Variants in CDCP1 observed in about 807,000 individuals in gnomAD.
CDCP1 encodes CUB domain containing protein 1.
Under a neutral mutation model 60.2 loss-of-function variants are expected in CDCP1, and 29 were observed. That is an observed-to-expected ratio of 0.48 (90% CI 0.36 to 0.66). CDCP1 has a LOEUF of 0.66. Ranked by LOEUF, CDCP1 falls within the 30% of genes least tolerant of loss-of-function variation. CDCP1 has a pLI of 0.00. For synonymous variants in CDCP1, 387 were observed against 431.1 expected, an observed-to-expected ratio of 0.90 and a Z score of 1.27; for missense variants, 876 against 1,074.3, an observed-to-expected ratio of 0.82 and a Z score of 2.58.
chr3:45,110,834 G>A lies in CDCP1; in HGVS notation c.663C>T (p.Cys221=). The A allele has an allele frequency of 6.2e-7, 1 of 1,612,026 alleles. No individual in the cohort carries two copies. ...IANRSSIKRL[C]IIESVFEGEG... ...CACCCTCAAACACAGACTCGATGAT[G>A]CACAGACCTAGTGGGAGTGGAACCC... Residue 221 remains cysteine, a synonymous_variant, in exon 4 of 9, where the codon TGC becomes TGT. Coordinates refer to ENST00000296129, the MANE Select transcript of CDCP1 (RefSeq NM_022842.5).
intron 1 of CDCP1, among the ~76,000 whole-genome samples, chr3:45,124,320 G>A (rs1260218225): frequency 2.0e-5 from 3 of 152,154 alleles, no homozygotes; most frequent in African/African-American, 4.8e-5. Context: ...CTGGCAACCC[G>A]TCTAAAATTT....
In CDCP1 at chr3:45,091,119, C is replaced by T; in HGVS notation, c.1993+54G>A. ...TGTCTCCAGGCTTGCTCTCTATCCT[C>T]CAGCTGACAATTTTTTGTTCATCAC... On this transcript the variant is annotated intron_variant, in intron 7 of 8. Transcript: ENST00000296129. This position sits in a 1 kb window ranked among gnomAD's most constrained non-coding sequence, Gnocchi z 4.8. The T allele has an allele frequency of 6.4e-7, 1 of 1,560,700 alleles. No homozygotes were observed.
At chr3:45,115,637 T>A (rs1020278477) in intron 2 of CDCP1, among the ~76,000 whole-genome samples, 1 of 152,236 alleles carries the variant, frequency 6.6e-6, no homozygotes, top group Non-Finnish European at 1.5e-5. Flanking sequence ...ATTTTAATTA[T>A]AATTGACTTA....
intron 5 of CDCP1, among the ~76,000 whole-genome samples, chr3:45,094,948 T>G (rs1482680315): frequency 6.6e-6 from 1 of 151,380 alleles, no homozygotes; most frequent in Non-Finnish European, 1.5e-5. Context: ...TGGGGTTTTT[T>G]TTTTTTTTTT....
intron 5 of CDCP1, among the ~76,000 whole-genome samples, chr3:45,094,494 C>A (rs1698361737): frequency 6.6e-6 from 1 of 152,178 alleles, no homozygotes; most frequent in African/African-American, 2.4e-5. Context: ...AACCTGACCT[C>A]AAGTTATCTG....
At chr3:45,089,390 C>T (rs565348766) in intron 7 of CDCP1, among the ~76,000 whole-genome samples, 1 of 152,340 alleles carries the variant, frequency 6.6e-6, no homozygotes, top group East Asian at 1.9e-4. Context: ...TCAGCTTGCA[C>T]TTTCTCTCTG....
At chr3:45,125,984 C>A (rs1015283571) in intron 1 of CDCP1, among the ~76,000 whole-genome samples, 1 of 152,194 alleles carries the variant, frequency 6.6e-6, no homozygotes, top group African/African-American at 2.4e-5. Context: ...TCTGGTTCAA[C>A]CCTGGCACCT....
intron 7 of CDCP1, among the ~76,000 whole-genome samples, chr3:45,089,482 G>A (rs897110882): frequency 2.0e-5 from 3 of 152,176 alleles, no homozygotes; most frequent in Non-Finnish European, 2.9e-5. Context: ...GCCATGTAGA[G>A]ATTCCACCGG....
At chr3:45,120,854 A>C (rs146337802) in intron 1 of CDCP1, among the ~76,000 whole-genome samples, 4 of 152,248 alleles carry the variant, frequency 2.6e-5, no homozygotes, top group Non-Finnish European at 5.9e-5. Flanking sequence ...CGGTCTCAGC[A>C]CAAAGGTCAC....
chr3:45,107,534 C>T (rs1053184913), intron 4 of CDCP1, among the ~76,000 whole-genome samples: 1 of 152,120 alleles, frequency 6.6e-6, no homozygotes, highest in Non-Finnish European at 1.5e-5. Context: ...ACCCTGCATG[C>T]CTGCCTTGAC....
At position 45,093,449 on chromosome 3, in the gene CDCP1, G is replaced by A. The variant is rs202177303; in HGVS notation, c.1455C>T (p.Ala485=). 174 of 1,614,138 alleles carry A rather than the reference G, an allele frequency of 1.1e-4. No homozygotes were observed. Among genetic ancestry groups the A allele is most frequent in the Non-Finnish European group, 1.4e-4 (168 of 1,179,968 alleles). Residue 485 remains alanine, a synonymous_variant, in exon 6 of 9, where the codon GCC becomes GCT. Transcript: ENST00000296129. The part of the protein sequence containing the change: ...PCNTSFSYLV[A]SAIPSQDLYF... The stretch of plus-strand genomic sequence containing the variant: ...ACAGGTCCTGGCTGGGTATGGCACT[G>A]GCCACGAGGTAGCTGAAGCTGGTGT...
chr3:45,092,765 G>A (rs1698317800), intron 6 of CDCP1, among the ~76,000 whole-genome samples: 1 of 152,140 alleles, frequency 6.6e-6, no homozygotes, highest in Non-Finnish European at 1.5e-5. Context: ...TCAGAACATG[G>A]AGACCACATG....
Position 45,110,525 on chromosome 3 carries a change from C to T in CDCP1, c.972G>A (p.Gly324=). Reference sequence around the variant, plus strand: ...AAACTTGGAACTGCAGCCGGAGGATCCCTGGACTTTGGGCATCTTGGTCAC... The same window carrying T: ...AAACTTGGAACTGCAGCCGGAGGATTCCTGGACTTTGGGCATCTTGGTCAC... The part of the protein sequence containing the change: ...QGCDQDAQSP[G]ILRLQFQVLV... Residue 324 remains glycine (G), a synonymous_variant, in exon 4 of 9, where the codon GGG becomes GGA. Coordinates refer to ENST00000296129, the MANE Select transcript of CDCP1 (RefSeq NM_022842.5). 2 of 1,614,164 alleles carry T rather than the reference C, an allele frequency of 1.2e-6. No homozygotes were observed. The highest frequency in any genetic ancestry group is 1.3e-5 in the African/African-American group (1 of 75,032).
intron 1 of CDCP1, among the ~76,000 whole-genome samples, chr3:45,142,882 C>T (rs1006344982): frequency 2.6e-5 from 4 of 152,218 alleles, no homozygotes; most frequent in African/African-American, 9.6e-5. Flanking sequence ...ACTCTGCTTC[C>T]AGAACTGTAG....
At chr3:45,141,371 G>A (rs2195202) in intron 1 of CDCP1, among the ~76,000 whole-genome samples, 129,350 of 152,226 alleles carry the variant, frequency 0.85, 55,131 homozygotes, top group East Asian at 0.95. Context: ...AACAGGATTG[G>A]TTAATTATAC....
intron 1 of CDCP1, among the ~76,000 whole-genome samples, chr3:45,140,287 C>T (rs1553612034): frequency 6.6e-6 from 1 of 152,196 alleles, no homozygotes; most frequent in Non-Finnish European, 1.5e-5. Context: ...ACTGTATTTA[C>T]CCAGACAAAG....
Position 45,093,480 on chromosome 3 carries a change from G to A in CDCP1, c.1424C>T (p.Pro475Leu), listed in dbSNP as rs557807111. ...QKLQQHTHEK[P>L]CNTSFSYLVA... ...GAGGTAGCTGAAGCTGGTGTTGCAG[G>A]GCTTCTCGTGTGTATGCTGCTGCAG... The change falls in exon 6 of 9, where the codon CCC (proline) becomes CTC (leucine). Residue 475 changes from proline (P) to leucine (L), a missense_variant. Physicochemically the swap from Pro to Leu is moderately conservative, Grantham distance 98. Transcript: ENST00000296129. The A allele has an allele frequency of 1.9e-6, 3 of 1,614,074 alleles. No individual in the cohort carries two copies. The South Asian group carries it at 3.3e-5, about 18-fold the overall frequency.
intron 1 of CDCP1, among the ~76,000 whole-genome samples, chr3:45,128,000 C>T (rs1699031516): frequency 6.6e-6 from 1 of 152,222 alleles, no homozygotes; most frequent in African/African-American, 2.4e-5. Context: ...AGGTGCACCT[C>T]CCAACTGAAG....
intron 1 of CDCP1, among the ~76,000 whole-genome samples, chr3:45,142,886 A>T (rs1699317236): frequency 6.6e-6 from 1 of 152,222 alleles, no homozygotes; most frequent in Admixed American, 6.5e-5. Context: ...TGCTTCCAGA[A>T]CTGTAGCTGG....
Sources: gnomAD v4.1 joint callset for allele counts (sites outside exome capture counted in the v4.1 genomes callset) on GRCh38, gnomAD v4.1.1 for gene constraint, Gnocchi (gnomAD v3.1) non-coding constraint, MANE v1.5 for transcripts, NCBI Gene and HGNC (gene_info 2026-07-23, HGNC 2026-07-21) for gene names.